USF3: variants seen among roughly 807,000 people sequenced by gnomAD.
USF3 encodes the protein basic helix-loop-helix domain-containing protein USF3.
USF3 carries 29 observed loss-of-function variants against 157.5 expected under a neutral mutation model. The observed-to-expected ratio is 0.18, with a 90% CI of 0.14 to 0.25. USF3 has a LOEUF of 0.25. USF3 is among the 10% of genes least tolerant of loss of function. USF3 has a pLI of 1.00. For synonymous variants in USF3, 893 were observed against 941.4 expected, an observed-to-expected ratio of 0.95 and a Z score of 0.94; for missense variants, 2,381 against 2,667.6, an observed-to-expected ratio of 0.89 and a Z score of 2.37.
At chr3:113,688,621 T>A (rs1707611879) in intron 1 of USF3, among the ~76,000 whole-genome samples, 1 of 152,240 alleles carries the variant, frequency 6.6e-6, no homozygotes, top group Admixed American at 6.5e-5. Context: ...GTGCCTAGAA[T>A]CATGCTAGGC....
intron 1 of USF3, among the ~76,000 whole-genome samples, chr3:113,693,870 C>T (rs1559728192): frequency 6.6e-6 from 1 of 152,170 alleles, no homozygotes; most frequent in Non-Finnish European, 1.5e-5. Flanking sequence ...GAAAGGTCAA[C>T]GTCAACGTCT....
At chr3:113,671,108 T>C (rs1707144948) in intron 4 of USF3, among the ~76,000 whole-genome samples, 1 of 152,326 alleles carries the variant, frequency 6.6e-6, no homozygotes, top group Admixed American at 6.5e-5. Flanking sequence ...TAGGAATTGC[T>C]AATATTTCAT....
At position 113,652,891 on chromosome 3, in the gene USF3, A is replaced by C; in HGVS notation, c.*2053T>G. The C allele has an allele frequency of 2.6e-6, 1 of 388,580 alleles. No homozygotes were observed. The allele number at this position is 388,580 out of a possible 1,614,324, so 24.1% of individuals were successfully genotyped here. A position where few individuals can be genotyped will look rare whatever the true frequency, so the allele number is the denominator to read the frequency against. On this transcript the variant is annotated 3_prime_UTR_variant, in exon 7 of 7. Coordinates refer to ENST00000316407, the MANE Select transcript of USF3 (RefSeq NM_001009899.4). ...GAATTTGCTTGAACCCAGGAGGCAG[A>C]GGCTGCAGTGAGCCAAGATCCTGCC...
intron 5 of USF3, among the ~76,000 whole-genome samples, chr3:113,666,253 T>C (rs1297928578): frequency 2.1e-5 from 3 of 141,398 alleles, no homozygotes; most frequent in Non-Finnish European, 4.7e-5. Context: ...TCTTTCTTTT[T>C]TTTTTTTTTT....
At position 113,656,062 on chromosome 3, in the gene USF3, G is replaced by C. The variant is rs1205759464; in HGVS notation, c.5620C>G (p.Gln1874Glu). 6.2e-7 allele frequency: 1 copy of C among 1,614,128 alleles called. No homozygotes were observed. ...GACATGTCACAACTTTCCCTATTCT[G>C]ACTCTCACTCTCTCTTCTAATATGG... is the stretch of plus-strand genomic sequence containing the variant. ...NVHIRRESES[Q>E]NRESCDMSLG... is the part of the protein sequence containing the mutation. Residue 1874 changes from glutamine to glutamate, a missense_variant, in exon 7 of 7, where the codon CAG becomes GAG. Gln to Glu is a conservative substitution (Grantham distance 29). Around this residue, in one of 6 missense-constraint regions of USF3, gnomAD observed 770 missense variants for 824.2 expected, o/e 0.93. Coordinates refer to ENST00000316407, the MANE Select transcript of USF3 (RefSeq NM_001009899.4).
chr3:113,687,490 T>A (rs1707584500), intron 1 of USF3, among the ~76,000 whole-genome samples: 1 of 152,178 alleles, frequency 6.6e-6, no homozygotes, highest in Non-Finnish European at 1.5e-5. Flanking sequence ...ATTAAATAAA[T>A]CTATGTCTAT....
At chr3:113,676,301 G>C (rs760377578) in intron 2 of USF3, among the ~76,000 whole-genome samples, 6 of 152,184 alleles carry the variant, frequency 3.9e-5, no homozygotes, top group Non-Finnish European at 8.8e-5. Flanking sequence ...CTGCTATGAA[G>C]AAATGCTCAA....
At chr3:113,675,567 A>G (rs903133231) in intron 2 of USF3, among the ~76,000 whole-genome samples, 3 of 152,212 alleles carry the variant, frequency 2.0e-5, no homozygotes, top group Non-Finnish European at 4.4e-5. Flanking sequence ...ATACATTAAT[A>G]TATTAATCAT....
At position 113,659,125 on chromosome 3, in the gene USF3, C is replaced by T; in HGVS notation, c.2557G>A (p.Val853Met). The change falls in exon 7 of 7, where the codon GTG becomes ATG. Residue 853 changes from valine to methionine, a missense_variant. By Grantham distance (21) the Val-to-Met change is conservative. Around this residue, in one of 6 missense-constraint regions of USF3, gnomAD observed 1,435 missense variants for 1,550.9 expected, o/e 0.93. Coordinates refer to ENST00000316407, the MANE Select transcript of USF3 (RefSeq NM_001009899.4). The part of the protein sequence containing the change: ...SFPAVLPSVS[V>M]SQANSVSVSA... ...ACACTCACACTATTTGCCTGAGACA[C>T]AGAGACAGATGGTAACACAGCAGGG... The T allele has an allele frequency of 6.2e-7, 1 of 1,614,186 alleles. No individual in the cohort carries two copies. The highest frequency in any genetic ancestry group is 8.5e-7 in the Non-Finnish European group (1 of 1,180,044).
chr3:113,680,664 T>C (rs1707396243), intron 1 of USF3, among the ~76,000 whole-genome samples: 1 of 152,142 alleles, frequency 6.6e-6, no homozygotes, highest in South Asian at 2.1e-4. Context: ...CTATAAAAAT[T>C]CACCGGGTGT....
At chr3:113,683,340 T>TCTATAAAAACTATTATCTAGTTTTTAAA (rs1328632434) in intron 1 of USF3, among the ~76,000 whole-genome samples, 2 of 150,448 alleles carry the variant, frequency 1.3e-5, no homozygotes, top group African/African-American at 2.5e-5. Flanking sequence ...TAGTTTTTAA[T>TCTATAAAAACTATTATCTAGTTTTTAAA]CTATAAAAAC....
chr3:113,670,496 G>A (rs1177110147), intron 4 of USF3, among the ~76,000 whole-genome samples: 2 of 152,090 alleles, frequency 1.3e-5, no homozygotes, highest in Non-Finnish European at 2.9e-5. Flanking sequence ...CTACTTGGGA[G>A]GCTGAGGCAG....
chr3:113,664,636 A>G (rs1400537049), intron 5 of USF3, among the ~76,000 whole-genome samples: 1 of 152,210 alleles, frequency 6.6e-6, no homozygotes. Flanking sequence ...ATATAATAGT[A>G]AAACAAACAA....
In USF3 at chr3:113,661,132, C is replaced by T. The variant is rs369441453; in HGVS notation, c.550G>A (p.Val184Met). The change falls in exon 7 of 7, where the codon GTG (valine) becomes ATG (methionine). Residue 184 changes from valine (V) to methionine (M), a missense_variant. Val to Met is a conservative substitution (Grantham distance 21, BLOSUM62 1). This residue lies in a region of USF3 where 1,435 missense variants were observed against 1,550.9 expected (regional missense o/e 0.93). Transcript: ENST00000316407. Reference protein sequence around the residue: ...HNLQKQTANVVPVQRTCNLVT... With the variant: ...HNLQKQTANVMPVQRTCNLVT... ...AGATTGCAAGTCCTCTGTACTGGCACCACATTGGCGGTCTGCTTTTGTAAA... is the reference window on the plus strand; with the variant it reads ...AGATTGCAAGTCCTCTGTACTGGCATCACATTGGCGGTCTGCTTTTGTAAA... 17 of 1,613,924 alleles carry T rather than the reference C, an allele frequency of 1.1e-5. No homozygotes were observed. Among genetic ancestry groups the T allele is most frequent in the Non-Finnish European group, 1.4e-5 (17 of 1,179,928 alleles).
intron 1 of USF3, among the ~76,000 whole-genome samples, chr3:113,683,539 G>A (rs904398126): frequency 1.5e-5 from 2 of 132,404 alleles, no homozygotes; most frequent in African/African-American, 5.8e-5. Context: ...TGCAATCTCA[G>A]CTCACTGCAA....
At position 113,660,790 on chromosome 3, in the gene USF3, G is replaced by C. The variant is rs932309101; in HGVS notation, c.892C>G (p.Pro298Ala). 3 of 1,614,042 alleles carry C rather than the reference G, an allele frequency of 1.9e-6. No individual in the cohort carries two copies. The highest frequency in any genetic ancestry group is 2.7e-5 in the African/African-American group (2 of 74,888). ...CTGTGGGGGATGTTTGTAACACAAGGGGTCATTTTCTTCAATACTTTGGGG... is the reference window on the plus strand; with the variant it reads ...CTGTGGGGGATGTTTGTAACACAAGCGGTCATTTTCTTCAATACTTTGGGG... ...ENPKVLKKMT[P>A]CVTNIPHSSS... The change falls in exon 7 of 7, where the codon CCT becomes GCT. Residue 298 changes from proline (P) to alanine (A), a missense_variant. Pro to Ala is a conservative substitution (Grantham distance 27, BLOSUM62 -1). This residue lies in a region of USF3 where 1,435 missense variants were observed against 1,550.9 expected (regional missense o/e 0.93). Transcript: ENST00000316407.
At chr3:113,674,128 T>G (rs1341345187) in intron 3 of USF3, among the ~76,000 whole-genome samples, 1 of 152,198 alleles carries the variant, frequency 6.6e-6, no homozygotes, top group Non-Finnish European at 1.5e-5. Flanking sequence ...AGAAGTAACA[T>G]TGTTCTGATA....
intron 1 of USF3, among the ~76,000 whole-genome samples, chr3:113,686,399 C>T (rs1390186254): frequency 1.3e-5 from 2 of 152,212 alleles, no homozygotes; most frequent in Non-Finnish European, 2.9e-5. Flanking sequence ...TTCCTACCAT[C>T]TTCAGTGTCT....
rs186993304 is a variant in USF3 at position 113,681,715 on chromosome 3, A to T, written c.-134-4318T>A. Among the ~76,000 whole-genome samples the T allele has an allele frequency of 5.2e-3, 773 of 149,360 alleles. 7 individuals carry two copies. Among genetic ancestry groups the T allele is most frequent in the African/African-American group, 0.018 (718 of 40,196 alleles). ...ACACCCAGCAATATTATTTCAATTT[A>T]AAAAAAAAATTTTTTTTTTTTTGAG... On this transcript the variant is annotated intron_variant, in intron 1 of 6. Transcript: ENST00000316407.
Sources: allele counts gnomAD v4.1 joint callset (sites outside exome capture counted in the v4.1 genomes callset), GRCh38; gene constraint gnomAD v4.1.1; regional missense constraint gnomAD v4.1.1; transcripts MANE v1.5; gene names NCBI Gene and HGNC (gene_info 2026-07-23, HGNC 2026-07-21).